The following F13A1 variants were observed in gnomAD, a reference collection of about 807,000 sequenced individuals.
F13A1 encodes FSF, A subunit.
Under a neutral mutation model 80.1 loss-of-function variants are expected in F13A1, and 47 were observed. That is an observed-to-expected ratio of 0.59 (90% CI 0.46 to 0.75). The LOEUF (loss-of-function observed/expected upper bound fraction) is 0.75. Among genes scored for constraint, F13A1 ranks in the 30% least tolerant of loss-of-function variants. The pLI, the probability that F13A1 is intolerant of heterozygous loss-of-function variation, is 0.00. For synonymous variants in F13A1, 349 were observed against 344.9 expected (o/e 1.01, Z -0.13); for missense variants, 817 against 930.4 (o/e 0.88, Z 1.59).
Position 6,169,438 on chromosome 6 carries a change from C to T in F13A1, c.1748-1820G>A, listed in dbSNP as rs1263168710. The T allele has an allele frequency of 1.9e-5, 3 of 154,156 alleles. No homozygotes were observed. In the East Asian group the frequency reaches 5.8e-4, roughly 30 times the overall value. The allele number at this position is 154,156 out of a possible 1,614,324, so 9.5% of individuals were successfully genotyped here. ...ACAATGCCTATTGAAGTGTGAGATA[C>T]TCTGAGAGACAGGAGGTTCTAACAG... On this transcript the variant is annotated intron_variant, in intron 12 of 14. Coordinates refer to ENST00000264870, the MANE Select transcript of F13A1 (RefSeq NM_000129.4).
chr6:6,251,029 T>C, intron 4 of F13A1, 100 bp from the exon 5 acceptor site: 1 of 942,194 alleles, frequency 1.1e-6, no homozygotes, highest in Non-Finnish European at 1.7e-6. Flanking sequence ...CTACATTTAA[T>C]CAGCCAAATT....
At chr6:6,227,730 A>AGGATAGCCATTTC (rs1219717738) in intron 6 of F13A1, among the ~76,000 whole-genome samples, 1 of 152,200 alleles carries the variant, frequency 6.6e-6, no homozygotes, top group African/African-American at 2.4e-5. Context: ...CTGATTTTCA[A>AGGATAGCCATTTC]ACAGATAGCC....
At chr6:6,315,046 G>T (rs1193837091) in intron 2 of F13A1, among the ~76,000 whole-genome samples, 2 of 152,176 alleles carry the variant, frequency 1.3e-5, no homozygotes, top group African/African-American at 4.8e-5. Context: ...TTTAAATAGG[G>T]CCAGGCTTGC....
At chr6:6,155,603 A>G (rs978588149) in intron 13 of F13A1, among the ~76,000 whole-genome samples, 8 of 151,992 alleles carry the variant, frequency 5.3e-5, no homozygotes, top group Admixed American at 3.9e-4. Context: ...AATGAGCCTT[A>G]GACACTCAAA....
At chr6:6,259,716 A>G (rs968008753) in intron 4 of F13A1, among the ~76,000 whole-genome samples, 3 of 152,196 alleles carry the variant, frequency 2.0e-5, no homozygotes, top group Admixed American at 6.5e-5. Flanking sequence ...TCAACACAGC[A>G]AACATTTATT....
At chr6:6,204,551 C>G (rs553314869) in intron 8 of F13A1, among the ~76,000 whole-genome samples, 17 of 152,254 alleles carry the variant, frequency 1.1e-4, no homozygotes, top group Non-Finnish European at 1.9e-4. Context: ...ACAATAATGA[C>G]AGGACATCCT....
At chr6:6,152,022 C>A in intron 13 of F13A1, 73 bp from the exon 14 acceptor site, 1 of 1,570,112 alleles carries the variant, frequency 6.4e-7, no homozygotes, top group South Asian at 1.1e-5. Context: ...TAACCATCAT[C>A]ACTTTTACTA....
chr6:6,263,327 T>A (rs928489372), intron 4 of F13A1, among the ~76,000 whole-genome samples: 1 of 152,202 alleles, frequency 6.6e-6, no homozygotes, highest in Non-Finnish European at 1.5e-5. Flanking sequence ...AAGACATCCA[T>A]ATTTCCACAC....
intron 6 of F13A1, among the ~76,000 whole-genome samples, chr6:6,226,300 G>A (rs1465455399): frequency 1.3e-5 from 2 of 152,168 alleles, no homozygotes; most frequent in East Asian, 1.9e-4. Context: ...AGCAATATTG[G>A]CATTCCCTGG....
chr6:6,157,787 T>C (rs761101378), intron 13 of F13A1, among the ~76,000 whole-genome samples: 2 of 152,200 alleles, frequency 1.3e-5, no homozygotes, highest in Non-Finnish European at 2.9e-5. Flanking sequence ...GACTGGAATG[T>C]GAGATTGGTT....
Position 6,310,422 on chromosome 6 carries a change from C to G in F13A1, c.131-4883G>C, listed in dbSNP as rs1758573653. ...AGAAAAGTTATTTAATCTATCTGAG[C>G]CTCAGTTTTCTTATCTTTAATATGG... On this transcript the variant is annotated intron_variant, in intron 2 of 14. Transcript: ENST00000264870. Among the ~76,000 whole-genome samples, 4 of 152,050 alleles carry G rather than the reference C, an allele frequency of 2.6e-5. No homozygotes were observed. The South Asian group carries it at 8.3e-4, about 32-fold the overall frequency.
At chr6:6,255,589 G>C (rs1757692705) in intron 4 of F13A1, among the ~76,000 whole-genome samples, 1 of 152,128 alleles carries the variant, frequency 6.6e-6, no homozygotes, top group Admixed American at 6.5e-5. Flanking sequence ...CTGGAGCTTA[G>C]AGAGTAAGGA....
chr6:6,200,825 G>T (rs551425964), intron 8 of F13A1, among the ~76,000 whole-genome samples: 1 of 152,280 alleles, frequency 6.6e-6, no homozygotes, highest in South Asian at 2.1e-4. Flanking sequence ...TACAGATGTG[G>T]ATTAGGGTGA....
At chr6:6,242,812 T>A (rs955816682) in intron 6 of F13A1, among the ~76,000 whole-genome samples, 1 of 152,226 alleles carries the variant, frequency 6.6e-6, no homozygotes, top group Non-Finnish European at 1.5e-5. Context: ...GGTTAATTAC[T>A]GTGGGACCTC....
Position 6,266,841 on chromosome 6 carries a change from G to T in F13A1, c.320-32C>A, listed in dbSNP as rs752963010. The stretch of plus-strand genomic sequence containing the variant: ...GAAGAGAGAAGAAATACTCTGTTAG[G>T]TTGATTTCACAAGCCATTTTTGTTC... On this transcript the variant is annotated intron_variant, in intron 3 of 14. Coordinates refer to ENST00000264870, the MANE Select transcript of F13A1 (RefSeq NM_000129.4). 8 of 1,613,892 alleles carry T rather than the reference G, an allele frequency of 5.0e-6. No individual in the cohort carries two copies. In the Admixed American group the frequency reaches 1.3e-4, roughly 27 times the overall value.
chr6:6,241,122 T>C (rs1234845423), intron 6 of F13A1, among the ~76,000 whole-genome samples: 1 of 152,164 alleles, frequency 6.6e-6, no homozygotes, highest in African/African-American at 2.4e-5. Context: ...ATTTCATTCC[T>C]GATATGAATC....
At chr6:6,194,763 C>T (rs1447927067) in intron 10 of F13A1, among the ~76,000 whole-genome samples, 8 of 152,198 alleles carry the variant, frequency 5.3e-5, no homozygotes, top group Non-Finnish European at 7.3e-5. Context: ...CAGTACAATG[C>T]CTGGTGTACA....
chr6:6,229,980 C>T (rs533343436), intron 6 of F13A1, among the ~76,000 whole-genome samples: 28 of 152,258 alleles, frequency 1.8e-4, no homozygotes, highest in Non-Finnish European at 3.5e-4. Context: ...CCCTGCCTGG[C>T]ACCACAGAGA....
At chr6:6,254,876 A>G (rs960298748) in intron 4 of F13A1, among the ~76,000 whole-genome samples, 1 of 152,182 alleles carries the variant, frequency 6.6e-6, no homozygotes, top group Non-Finnish European at 1.5e-5. Context: ...TTTTATTTCT[A>G]TAATGAGACT....
Sources: gnomAD v4.1 joint callset for allele counts (sites outside exome capture counted in the v4.1 genomes callset) on GRCh38, gnomAD v4.1.1 for gene constraint, MANE v1.5 for transcripts, NCBI Gene and HGNC (gene_info 2026-07-23, HGNC 2026-07-21) for gene names.